The following GRM7 variants were observed in gnomAD, a reference collection of about 807,000 sequenced individuals.
GRM7 encodes metabotropic glutamate receptor 7.
A neutral mutation model predicts 84.5 loss-of-function variants in GRM7; 35 were observed. That is an observed-to-expected ratio of 0.41 (90% CI 0.32 to 0.55). The LOEUF (loss-of-function observed/expected upper bound fraction) is 0.55. GRM7 is among the 20% of genes least tolerant of loss of function. The pLI is 0.19. For missense variants in GRM7, 1,003 were observed against 1,194.6 expected (o/e 0.84, Z 2.36); for synonymous variants, 487 against 455.1 (o/e 1.07, Z -0.89).
chr3:7,737,843 A>ATTTTTTTTTTTTTTTTTTTTTTTTATT (rs35087158), intron 9 of GRM7, among the ~76,000 whole-genome samples: 1 of 134,470 alleles, frequency 7.4e-6, no homozygotes, highest in African/African-American at 2.8e-5. Context: ...TATTCTCCCA[A>ATTTTTTTTTTTTTTTTTTTTTTTTATT]TTTTTTTTTT....
intron 4 of GRM7, among the ~76,000 whole-genome samples, chr3:7,343,845 A>G (rs1299153954): frequency 6.6e-6 from 1 of 152,124 alleles, no homozygotes; most frequent in East Asian, 1.9e-4. Context: ...GTCTACAGTC[A>G]TGCAGTTGCC....
At chr3:7,301,215 T>C (rs944369219) in intron 3 of GRM7, among the ~76,000 whole-genome samples, 2 of 152,174 alleles carry the variant, frequency 1.3e-5, no homozygotes, top group Non-Finnish European at 2.9e-5. Context: ...CTTCAAGGTC[T>C]GTTTCAAGCA....
intron 4 of GRM7, among the ~76,000 whole-genome samples, chr3:7,414,429 G>T (rs73810631): frequency 6.6e-6 from 1 of 152,080 alleles, no homozygotes; most frequent in Non-Finnish European, 1.5e-5. Context: ...ACTGAATCCC[G>T]TATCTTTTTC....
intron 4 of GRM7, among the ~76,000 whole-genome samples, chr3:7,389,219 A>G (rs964582433): frequency 6.6e-6 from 1 of 152,100 alleles, no homozygotes; most frequent in African/African-American, 2.4e-5. Context: ...TTTGGTATTT[A>G]TTGCATTGTG....
intron 8 of GRM7, among the ~76,000 whole-genome samples, chr3:7,621,549 C>T (rs1697356466): frequency 1.3e-5 from 2 of 152,076 alleles, no homozygotes; most frequent in Non-Finnish European, 1.5e-5. Context: ...AGTTGAAATG[C>T]TTGTGTATTC....
chr3:7,298,602 TCTC>T, intron 2 of GRM7, 79 bp from the exon 3 acceptor site: 4 of 1,167,238 alleles, frequency 3.4e-6, no homozygotes, highest in South Asian at 1.3e-5. Context: ...GGATTCAGAA[TCTC>T]CTCCTCATCT....
intron 5 of GRM7, among the ~76,000 whole-genome samples, chr3:7,445,970 T>G (rs972844112): frequency 4.4e-4 from 67 of 151,118 alleles, no homozygotes; most frequent in African/African-American, 1.5e-3. Context: ...TATAGCAGTT[T>G]GTCACAAATC....
intron 5 of GRM7, among the ~76,000 whole-genome samples, chr3:7,444,186 T>C (rs1258027788): frequency 6.6e-6 from 1 of 152,186 alleles, no homozygotes; most frequent in Non-Finnish European, 1.5e-5. Flanking sequence ...ATACAACTCC[T>C]GGGATGGCAT....
intron 2 of GRM7, among the ~76,000 whole-genome samples, chr3:7,190,634 T>C (rs1575011975): frequency 6.6e-6 from 1 of 152,134 alleles, no homozygotes; most frequent in African/African-American, 2.4e-5. Context: ...TGGAACAAGG[T>C]TCTAGGGGCC....
At chr3:6,968,252 T>G (rs1030563223) in intron 1 of GRM7, among the ~76,000 whole-genome samples, 2 of 152,186 alleles carry the variant, frequency 1.3e-5, no homozygotes, top group Non-Finnish European at 2.9e-5. Flanking sequence ...CATTGTTTCT[T>G]CACATCATCT....
Position 7,740,589 on chromosome 3 carries a change from C to T in GRM7, c.*183C>T, listed in dbSNP as rs1005196018. On this transcript the variant is annotated 3_prime_UTR_variant, in exon 10 of 10. Transcript: ENST00000357716. ...GCTTTATGAAATATCCTTACTTTAT[C>T]TGGGCTTAATAAGTCACTGACATCA... 5 of 457,738 alleles carry T rather than the reference C, an allele frequency of 1.1e-5. No individual in the cohort carries two copies. The highest frequency in any genetic ancestry group is 1.0e-4 in the African/African-American group (5 of 48,776). The allele number at this position is 457,738 out of a possible 1,614,324, so 28.4% of individuals were successfully genotyped here.
intron 8 of GRM7, among the ~76,000 whole-genome samples, chr3:7,640,561 C>A (rs1159867227): frequency 6.6e-6 from 1 of 152,154 alleles, no homozygotes; most frequent in African/African-American, 2.4e-5. Flanking sequence ...AATTTAAAAT[C>A]TGAATGATGC....
In GRM7 at chr3:7,177,662, G is replaced by A. The variant is rs192111591; in HGVS notation, c.736+30994G>A. Among the ~76,000 whole-genome samples the A allele has an allele frequency of 2.6e-5, 4 of 152,046 alleles. No individual in the cohort carries two copies. In the East Asian group the frequency reaches 7.8e-4, roughly 30 times the overall value. Reference sequence around the variant, plus strand: ...TAGAAAGAAGGGAATGAAATGCAGGGAGGGAGGGAGGAAGGACCTAATTTT... The same window carrying A: ...TAGAAAGAAGGGAATGAAATGCAGGAAGGGAGGGAGGAAGGACCTAATTTT... On this transcript the variant is annotated intron_variant, in intron 2 of 9. Transcript: ENST00000357716.
At chr3:7,198,942 G>A (rs957764474) in intron 2 of GRM7, among the ~76,000 whole-genome samples, 1 of 152,128 alleles carries the variant, frequency 6.6e-6, no homozygotes, top group Non-Finnish European at 1.5e-5. Context: ...TTTCCATGAT[G>A]TATCTTTAAA....
At chr3:7,390,974 G>A (rs184338576) in intron 4 of GRM7, among the ~76,000 whole-genome samples, 7 of 152,120 alleles carry the variant, frequency 4.6e-5, no homozygotes, top group East Asian at 1.9e-4. Context: ...ATCTGAGTGA[G>A]CTGACACTTT....
chr3:6,888,904 C>T (rs1276912767), intron 1 of GRM7, among the ~76,000 whole-genome samples: 1 of 152,116 alleles, frequency 6.6e-6, no homozygotes, highest in African/African-American at 2.4e-5. Flanking sequence ...CTCTTTATTT[C>T]ATTGAGCAGT....
intron 4 of GRM7, among the ~76,000 whole-genome samples, chr3:7,329,981 C>G (rs528165538): frequency 2.0e-5 from 3 of 152,106 alleles, no homozygotes; most frequent in African/African-American, 4.8e-5. Flanking sequence ...TTGGGAGTCA[C>G]TCAATAGTAT....
intron 8 of GRM7, among the ~76,000 whole-genome samples, chr3:7,618,252 T>C (rs1483960151): frequency 1.3e-5 from 2 of 152,148 alleles, no homozygotes; most frequent in African/African-American, 2.4e-5. Flanking sequence ...GTTTCTTCAT[T>C]TGTAACATGG....
chr3:6,950,037 A>T (rs1391712614), intron 1 of GRM7, among the ~76,000 whole-genome samples: 1 of 152,138 alleles, frequency 6.6e-6, no homozygotes, highest in Non-Finnish European at 1.5e-5. Context: ...TGATCTTCTG[A>T]AGCCTTCCTC....
Sources: allele counts gnomAD v4.1 joint callset (sites outside exome capture counted in the v4.1 genomes callset), GRCh38; gene constraint gnomAD v4.1.1; transcripts MANE v1.5; gene names NCBI Gene and HGNC (gene_info 2026-07-23, HGNC 2026-07-21).